The following SNCAIP variants were observed in gnomAD, a reference collection of about 807,000 sequenced individuals.
The protein encoded by SNCAIP is synphilin-1.
In SNCAIP, 43 loss-of-function variants were observed where a neutral mutation model predicts 86.7. That is an observed-to-expected ratio of 0.50 (90% confidence interval 0.39 to 0.64). The LOEUF is 0.64. Ranked by LOEUF, SNCAIP falls within the 30% of genes least tolerant of loss-of-function variation. The pLI, the probability that SNCAIP is intolerant of heterozygous loss-of-function variation, is 0.00. For missense variants in SNCAIP, 981 were observed against 1,103.1 expected, an observed-to-expected ratio of 0.89 and a Z score of 1.57; for synonymous variants, 417 against 427.2, an observed-to-expected ratio of 0.98 and a Z score of 0.29.
chr5:122,387,071 T>C (rs969579769), intron 1 of SNCAIP, among the ~76,000 whole-genome samples: 3 of 151,980 alleles, frequency 2.0e-5, no homozygotes, highest in Admixed American at 2.0e-4. Context: ...GGGGGAGAAA[T>C]TCAGATTCAC....
intron 2 of SNCAIP, among the ~76,000 whole-genome samples, chr5:122,401,762 G>A (rs17149137): frequency 0.27 from 41,411 of 152,076 alleles, 6,640 homozygotes; most frequent in East Asian, 0.39. Context: ...GCTAGTGTCC[G>A]CCTGTAACTC....
chr5:122,351,460 C>T (rs1759758974), intron 1 of SNCAIP, among the ~76,000 whole-genome samples: 1 of 139,272 alleles, frequency 7.2e-6, no homozygotes, highest in Admixed American at 8.0e-5. Flanking sequence ...TTGCTTGAAC[C>T]CAGGAGGCAG....
intron 3 of SNCAIP, among the ~76,000 whole-genome samples, chr5:122,421,771 A>G (rs1172162771): frequency 1.3e-5 from 2 of 152,128 alleles, no homozygotes; most frequent in Admixed American, 6.6e-5. Context: ...GTCATCTTTT[A>G]TCTAGCAGTG....
chr5:122,360,138 A>G (rs1761920378), intron 1 of SNCAIP, among the ~76,000 whole-genome samples: 1 of 152,170 alleles, frequency 6.6e-6, no homozygotes. Context: ...GGATTTTGTT[A>G]ACATTTTGAT....
At chr5:122,372,730 T>C (rs1314625596) in intron 1 of SNCAIP, among the ~76,000 whole-genome samples, 1 of 152,126 alleles carries the variant, frequency 6.6e-6, no homozygotes, top group Non-Finnish European at 1.5e-5. Flanking sequence ...CCTTCACCAA[T>C]AGTTTAGATA....
In SNCAIP at chr5:122,423,179, C is replaced by G; in HGVS notation, c.442C>G (p.Leu148Val). ...TSLGELEHYD[L>V]DMDEILDVPY... ...GCTGGGTGAACTGGAGCACTACGAC[C>G]TCGACATGGATGAGATTCTGGATGT... is the stretch of plus-strand genomic sequence containing the variant. Residue 148 changes from leucine (L) to valine (V), a missense_variant, in exon 4 of 11, where the codon CTC (leucine) becomes GTC (valine). Leu to Val is a conservative substitution (Grantham distance 32). Coordinates refer to ENST00000261368, the MANE Select transcript of SNCAIP (RefSeq NM_005460.4). 3 of 1,614,140 alleles carry G rather than the reference C, an allele frequency of 1.9e-6. No individual in the cohort carries two copies. The highest frequency in any genetic ancestry group is 2.5e-6 in the Non-Finnish European group (3 of 1,180,010).
chr5:122,434,266 G>A (rs1778961659), intron 6 of SNCAIP, among the ~76,000 whole-genome samples: 2 of 152,158 alleles, frequency 1.3e-5, no homozygotes, highest in Non-Finnish European at 2.9e-5. Flanking sequence ...TGCACTTTTG[G>A]TAGAGCTTGC....
intron 1 of SNCAIP, among the ~76,000 whole-genome samples, chr5:122,390,106 A>C (rs1769034752): frequency 6.6e-6 from 1 of 152,138 alleles, no homozygotes. Context: ...GTACATCTTG[A>C]TTAGACAATC....
chr5:122,389,649 CA>C (rs1442264671), intron 1 of SNCAIP: 1 of 152,138 alleles, frequency 6.6e-6, no homozygotes, highest in Non-Finnish European at 1.5e-5. Flanking sequence ...ATATTTTTTA[CA>C]AATACAAGTT....
At chr5:122,413,941 A>G (rs1379608269) in intron 3 of SNCAIP, among the ~76,000 whole-genome samples, 1 of 152,104 alleles carries the variant, frequency 6.6e-6, no homozygotes, top group Non-Finnish European at 1.5e-5. Context: ...ACAAGGTCTC[A>G]CTCTTTCGCC....
At chr5:122,350,677 G>T (rs1759591384) in intron 1 of SNCAIP, among the ~76,000 whole-genome samples, 1 of 151,966 alleles carries the variant, frequency 6.6e-6, no homozygotes, top group Admixed American at 6.6e-5. Flanking sequence ...TGCTTATATG[G>T]GCATGAAGCC....
At chr5:122,329,698 G>A (rs1012166830) in intron 1 of SNCAIP, among the ~76,000 whole-genome samples, 1 of 152,158 alleles carries the variant, frequency 6.6e-6, no homozygotes, top group African/African-American at 2.4e-5. Context: ...TCCAAAAGCA[G>A]ATATATCATG....
Position 122,461,284 on chromosome 5 carries a change from AT to A in SNCAIP, c.2755-2201del, listed in dbSNP as rs376524544. ...TTTCTTCTTTATCTCCAATATTTTG[AT>A]TTTTTGATGCTTTGCCATGATGTGG... On this transcript the variant is annotated intron_variant, in intron 10 of 10. Coordinates refer to ENST00000261368, the MANE Select transcript of SNCAIP (RefSeq NM_005460.4). Among the ~76,000 whole-genome samples, 118 of 151,998 alleles carry A rather than the reference AT, an allele frequency of 7.8e-4. 1 individual carries two copies. Among genetic ancestry groups the A allele is most frequent in the African/African-American group, 2.7e-3 (112 of 41,470 alleles).
chr5:122,330,428 T>C (rs57425805), intron 1 of SNCAIP, among the ~76,000 whole-genome samples: 4,426 of 152,276 alleles, frequency 0.029, 207 homozygotes, highest in African/African-American at 0.1. Context: ...GCCTCATTTC[T>C]TAACAATAGT....
intron 1 of SNCAIP, among the ~76,000 whole-genome samples, chr5:122,336,256 C>T (rs1037526811): frequency 6.6e-6 from 1 of 152,120 alleles, no homozygotes; most frequent in Non-Finnish European, 1.5e-5. Context: ...TACTGTATTA[C>T]GACCATAAAA....
intron 3 of SNCAIP, among the ~76,000 whole-genome samples, chr5:122,417,651 T>A (rs982671505): frequency 2.6e-5 from 4 of 152,028 alleles, no homozygotes; most frequent in African/African-American, 9.7e-5. Context: ...CTTCCTTCCC[T>A]CCTTCCTCCT....
In SNCAIP at chr5:122,378,979, T is replaced by C. The variant is rs1436169266; in HGVS notation, c.-46-12110T>C. On this transcript the variant is annotated intron_variant, in intron 1 of 10. Transcript: ENST00000261368. Reference sequence around the variant, plus strand: ...GTTTGAAGTCAGGTAGTGTGATGCCTCCAGCTTTGTTCTTTTGGCTTAGGA... The same window carrying C: ...GTTTGAAGTCAGGTAGTGTGATGCCCCCAGCTTTGTTCTTTTGGCTTAGGA... Among the ~76,000 whole-genome samples, 7 of 133,654 alleles carry C rather than the reference T, an allele frequency of 5.2e-5. 1 individual carries two copies. Among genetic ancestry groups the C allele is most frequent in the Non-Finnish European group, 9.7e-5 (6 of 61,930 alleles). The allele number at this position is 133,654 out of a possible 152,430, so 87.7% of individuals were successfully genotyped here.
intron 1 of SNCAIP, among the ~76,000 whole-genome samples, chr5:122,383,283 G>A (rs939906079): frequency 2.6e-5 from 4 of 152,198 alleles, no homozygotes; most frequent in African/African-American, 7.2e-5. Flanking sequence ...CTCAATATTC[G>A]GGTGGGAGTG....
At chr5:122,347,177 T>G (rs1758777053) in intron 1 of SNCAIP, among the ~76,000 whole-genome samples, 1 of 152,154 alleles carries the variant, frequency 6.6e-6, no homozygotes, top group Non-Finnish European at 1.5e-5. Flanking sequence ...GTTATTTGCC[T>G]GACTTTATTT....
Sources: gnomAD v4.1 joint callset for allele counts (sites outside exome capture counted in the v4.1 genomes callset) on GRCh38, gnomAD v4.1.1 for gene constraint, MANE v1.5 for transcripts, NCBI Gene and HGNC (gene_info 2026-07-23, HGNC 2026-07-21) for gene names.